The following ATP6V1B2 variants were observed in gnomAD, a reference collection of about 807,000 sequenced individuals.
ATP6V1B2 encodes the protein V-type proton ATPase subunit B, brain isoform.
ATP6V1B2 carries 23 observed loss-of-function variants against 66.7 expected under a neutral mutation model. The observed-to-expected ratio is 0.34, with a 90% CI of 0.25 to 0.49. The LOEUF is 0.49. ATP6V1B2 is among the 20% of genes least tolerant of loss of function. The pLI is 0.99. For synonymous variants in ATP6V1B2, 278 were observed against 236.7 expected (o/e 1.17, Z -1.60); for missense variants, 478 against 650.8 (o/e 0.73, Z 2.89).
intron 1 of ATP6V1B2, among the ~76,000 whole-genome samples, chr8:20,200,549 C>T (rs2072675424): frequency 6.6e-6 from 1 of 152,140 alleles, no homozygotes; most frequent in Admixed American, 6.5e-5. Flanking sequence ...AAATGGAAAA[C>T]ATATTCAGGC....
At chr8:20,201,145 T>C (rs1414413781) in intron 1 of ATP6V1B2, among the ~76,000 whole-genome samples, 2 of 152,252 alleles carry the variant, frequency 1.3e-5, no homozygotes, top group Non-Finnish European at 2.9e-5. Context: ...CAAGACATTT[T>C]GGTTGTAAAA....
chr8:20,220,227 CA>C, intron 13 of ATP6V1B2, 35 bp from the exon 14 acceptor site: 1 of 1,598,992 alleles, frequency 6.3e-7, no homozygotes, highest in Non-Finnish European at 8.5e-7. Flanking sequence ...AGTTGGAAGT[CA>C]TTTGCATTTA....
chr8:20,219,547 G>A (rs2072887556), intron 13 of ATP6V1B2, among the ~76,000 whole-genome samples: 1 of 152,064 alleles, frequency 6.6e-6, no homozygotes, highest in Non-Finnish European at 1.5e-5. Flanking sequence ...AATGCATCAG[G>A]CTGTACACTT....
chr8:20,210,559 T>C lies in ATP6V1B2; in HGVS notation c.386-10T>C, dbSNP rs575390282. On this transcript the variant is annotated splice_polypyrimidine_tract_variant and intron_variant, in intron 4 of 13. Coordinates refer to ENST00000276390, the MANE Select transcript of ATP6V1B2 (RefSeq NM_001693.4). ...CATCTACTCTGTCCTGTCTTCTTAC[T>C]GATTTCTAGGTCGGGTATTCAATGG... The C allele has an allele frequency of 6.2e-7, 1 of 1,613,682 alleles. No individual in the cohort carries two copies. Among genetic ancestry groups the C allele is most frequent in the South Asian group, 1.1e-5 (1 of 91,078 alleles).
intron 10 of ATP6V1B2, 87 bp from the exon 11 acceptor site, chr8:20,216,326 T>C (rs1238290054): frequency 1.7e-6 from 2 of 1,193,690 alleles, no homozygotes; most frequent in East Asian, 2.4e-5. Context: ...AGAGGGACTT[T>C]TTGTGGGTTT....
intron 5 of ATP6V1B2, 103 bp from the exon 6 acceptor site, chr8:20,211,074 T>G: frequency 7.0e-7 from 1 of 1,435,850 alleles, no homozygotes. Context: ...GTAGTTCTGG[T>G]CTTCTGGTGC....
Position 20,209,402 on chromosome 8 carries a change from G to A in ATP6V1B2, c.193-31G>A, listed in dbSNP as rs370255159. On this transcript the variant is annotated intron_variant, in intron 2 of 13. Transcript: ENST00000276390. ...TAATTTGGGGGGCTTGTAAAATGTC[G>A]GATATTGATCCTTTATTTTTTTCTC... 5.0e-4 allele frequency: 796 copies of A among 1,599,400 alleles called. 2 individuals are homozygous for A. The highest frequency in any genetic ancestry group is 7.5e-4 in the South Asian group (68 of 90,728).
At chr8:20,203,745 G>C (rs1054374266) in intron 1 of ATP6V1B2, among the ~76,000 whole-genome samples, 1 of 152,152 alleles carries the variant, frequency 6.6e-6, no homozygotes, top group South Asian at 2.1e-4. Context: ...GGTAGGACCT[G>C]CTGGGGTAGA....
intron 2 of ATP6V1B2, 72 bp downstream of exon 2, chr8:20,204,611 T>C (rs2072719500): frequency 2.2e-6 from 3 of 1,335,870 alleles, no homozygotes; most frequent in East Asian, 4.8e-5. Context: ...TAGTATACTT[T>C]AAATTTTTGT....
intron 1 of ATP6V1B2, among the ~76,000 whole-genome samples, chr8:20,201,115 T>C (rs571879858): frequency 1.3e-5 from 2 of 152,362 alleles, no homozygotes; most frequent in East Asian, 1.9e-4. Flanking sequence ...CTGGCTCATA[T>C]GATAGTTCAG....
At chr8:20,209,365 G>T in intron 2 of ATP6V1B2, 68 bp from the exon 3 acceptor site, 2 of 1,447,486 alleles carry the variant, frequency 1.4e-6, no homozygotes, top group Non-Finnish European at 1.9e-6. Context: ...GGGAGAGACA[G>T]AGCATGTGTA....
intron 6 of ATP6V1B2, 128 bp downstream of exon 6, chr8:20,211,444 G>A (rs1355035575): frequency 1.5e-6 from 2 of 1,370,028 alleles, no homozygotes; most frequent in Non-Finnish European, 1.9e-6. Flanking sequence ...GTATAATCCA[G>A]TTACCTCACA....
chr8:20,213,239 C>T, intron 9 of ATP6V1B2: 2 of 265,850 alleles, frequency 7.5e-6, no homozygotes, highest in Non-Finnish European at 1.4e-5. Flanking sequence ...AATTTTTAAA[C>T]CTTTTTGTAA....
chr8:20,207,805 T>C (rs1238707948), intron 2 of ATP6V1B2, among the ~76,000 whole-genome samples: 2 of 151,890 alleles, frequency 1.3e-5, no homozygotes, highest in African/African-American at 4.8e-5. Flanking sequence ...AGAAAAGATA[T>C]TTGTACAAGG....
intron 9 of ATP6V1B2, 168 bp from the exon 10 acceptor site, chr8:20,214,650 T>C: frequency 1.3e-6 from 1 of 741,304 alleles, no homozygotes; most frequent in Non-Finnish European, 1.9e-6. Context: ...ACAGAATACT[T>C]TGAATTTATG....
chr8:20,204,577 A>C (rs1340804854), intron 2 of ATP6V1B2, 38 bp downstream of exon 2: 1 of 1,555,564 alleles, frequency 6.4e-7, no homozygotes, highest in East Asian at 2.2e-5. Flanking sequence ...TTATGTAGTT[A>C]AAAATGTGGC....
intron 9 of ATP6V1B2, 190 bp from the exon 10 acceptor site, chr8:20,214,628 A>G (rs1302882847): frequency 1.8e-6 from 1 of 567,248 alleles, no homozygotes; most frequent in Non-Finnish European, 2.6e-6. Context: ...CCCCATTGTC[A>G]ACATTTTTGT....
At chr8:20,210,133 C>T (rs892521231) in intron 3 of ATP6V1B2, among the ~76,000 whole-genome samples, 40 of 149,360 alleles carry the variant, frequency 2.7e-4, no homozygotes, top group African/African-American at 9.6e-4. Flanking sequence ...TATAAACATG[C>T]TTAGCTTGCT....
At chr8:20,210,018 T>C (rs532167166) in intron 3 of ATP6V1B2, among the ~76,000 whole-genome samples, 1 of 150,538 alleles carries the variant, frequency 6.6e-6, no homozygotes, top group South Asian at 2.1e-4. Context: ...CTCCTACATA[T>C]TCTTCTTTTT....
Sources: gnomAD v4.1 joint callset for allele counts (sites outside exome capture counted in the v4.1 genomes callset) on GRCh38, gnomAD v4.1.1 for gene constraint, MANE v1.5 for transcripts, NCBI Gene and HGNC (gene_info 2026-07-23, HGNC 2026-07-21) for gene names.